HPSE: variants seen among roughly 807,000 people sequenced by gnomAD.
HPSE encodes the protein endo-glucoronidase.
In HPSE, 48 loss-of-function variants were observed where a neutral mutation model predicts 65.1. The ratio of observed to expected loss-of-function variants is 0.74; its 90% CI spans 0.58 to 0.94. The LOEUF (loss-of-function observed/expected upper bound fraction) is 0.94, where lower values mean the gene tolerates loss of function less well. HPSE is among the 40% of genes least tolerant of loss of function. HPSE has a pLI of 0.00. For missense variants in HPSE, 644 were observed against 637.5 expected, an observed-to-expected ratio of 1.01 and a Z score of -0.11; for synonymous variants, 243 against 260.0, an observed-to-expected ratio of 0.93 and a Z score of 0.63.
chr4:83,320,595 C>T (rs1736853203), intron 2 of HPSE, among the ~76,000 whole-genome samples: 1 of 151,926 alleles, frequency 6.6e-6, no homozygotes, highest in Admixed American at 6.6e-5. Context: ...AAGAAAAATC[C>T]ACACCATCCT....
At chr4:83,335,116 G>A (rs189410262), upstream of HPSE, 52 of 256,804 alleles carry the variant, frequency 2.0e-4, no homozygotes, top group Middle Eastern at 1.1e-3. Context: ...GGCCTGGGGA[G>A]GAGCGCCCGG....
chr4:83,313,037 A>AAAG (rs1553919978), intron 4 of HPSE, 77 bp downstream of exon 4: 182 of 821,670 alleles, frequency 2.2e-4, no homozygotes, highest in African/African-American at 1.0e-3. Flanking sequence ...AAAAAAAAAA[A>AAAG]AAAAGAAAAA....
chr4:83,308,944 T>C lies in HPSE; in HGVS notation c.992A>G (p.Glu331Gly). 1 of 1,613,868 alleles carries C rather than the reference T, an allele frequency of 6.2e-7. No homozygotes were observed. Among genetic ancestry groups the C allele is most frequent in the Non-Finnish European group, 8.5e-7 (1 of 1,179,734 alleles). The change falls in exon 8 of 12, where the codon GAG becomes GGG. Residue 331 changes from glutamate to glycine, a missense_variant. Physicochemically the swap from Glu to Gly is moderately conservative, Grantham distance 98. Transcript: ENST00000311412. ...SSVQKVFQVVESTRPGKKVWL... is the reference protein window; with the variant it reads ...SSVQKVFQVVGSTRPGKKVWL... ...GACCTTCTTGCCAGGCCTGGTGCTC[T>C]CAACCACCTATAGAACAGAAAAGTA... is the stretch of plus-strand genomic sequence containing the variant.
chr4:83,297,929 T>C (rs1304673233), intron 11 of HPSE, among the ~76,000 whole-genome samples: 7 of 152,232 alleles, frequency 4.6e-5, no homozygotes, highest in Non-Finnish European at 1.0e-4. Flanking sequence ...AAGTTTTAGA[T>C]ATGCTTTTGG....
intron 10 of HPSE, 137 bp downstream of exon 10, chr4:83,302,013 C>T (rs185535794): frequency 3.2e-4 from 162 of 509,858 alleles, no homozygotes; most frequent in African/African-American, 2.9e-3. Context: ...AAAATAAAAT[C>T]GTTGTATAAA....
chr4:83,315,060 A>T (rs1441562444), intron 3 of HPSE, among the ~76,000 whole-genome samples: 8 of 151,694 alleles, frequency 5.3e-5, no homozygotes, highest in African/African-American at 1.9e-4. Context: ...GGAGGCTGAG[A>T]CAGAATTGCT....
chr4:83,325,545 T>C (rs1737117327), intron 1 of HPSE, among the ~76,000 whole-genome samples: 1 of 152,212 alleles, frequency 6.6e-6, no homozygotes, highest in Non-Finnish European at 1.5e-5. Flanking sequence ...TCAACAAATA[T>C]TTGTTGCAGG....
At chr4:83,321,987 C>CTTTTTTTTTTTTTTTTTTTTTT (rs36002405) in intron 2 of HPSE, among the ~76,000 whole-genome samples, 2 of 92,558 alleles carry the variant, frequency 2.2e-5, no homozygotes, top group African/African-American at 4.2e-5. Flanking sequence ...TCCAGGACGC[C>CTTTTTTTTTTTTTTTTTTTTTT]TTTTTTTTTT....
chr4:83,322,682 G>A (rs978266932), intron 1 of HPSE, among the ~76,000 whole-genome samples: 5 of 151,822 alleles, frequency 3.3e-5, no homozygotes, highest in Admixed American at 6.6e-5. Context: ...TGATAGAAAG[G>A]GAATCATTGT....
chr4:83,315,784 A>G (rs1484864781), intron 3 of HPSE, among the ~76,000 whole-genome samples: 2 of 152,344 alleles, frequency 1.3e-5, no homozygotes, highest in African/African-American at 4.8e-5. Context: ...GTAAATCACA[A>G]AAAACCCTTA....
chr4:83,295,159 T>A lies in HPSE; in HGVS notation c.*185A>T. ...TGGAACAAGGTATTATTAGCTATTA[T>A]TATTAGCAGTGTTCTACCTAGCGAG... On this transcript the variant is annotated 3_prime_UTR_variant, in exon 12 of 12. Transcript: ENST00000311412. The A allele has an allele frequency of 2.6e-6, 1 of 380,692 alleles. No individual in the cohort carries two copies. Among genetic ancestry groups the A allele is most frequent in the East Asian group, 3.9e-5 (1 of 25,654 alleles). 23.6% of individuals were successfully genotyped at this position (380,692 alleles called of 1,614,324 possible). A position where few individuals can be genotyped will look rare whatever the true frequency, so the allele number is the denominator to read the frequency against.
At chr4:83,304,464 TG>T (rs1736079502) in intron 9 of HPSE, among the ~76,000 whole-genome samples, 2 of 152,184 alleles carry the variant, frequency 1.3e-5, no homozygotes, top group South Asian at 4.1e-4. Flanking sequence ...TCTCCTAAAG[TG>T]GGTTCATATA....
chr4:83,308,621 ATTTCTGAAACAAT>A (rs895119547), intron 8 of HPSE, among the ~76,000 whole-genome samples: 4 of 152,146 alleles, frequency 2.6e-5, no homozygotes, highest in African/African-American at 9.7e-5. Context: ...AAAGGCCAAA[ATTTCTGAAACAAT>A]TCATCCTTAT....
At chr4:83,312,210 T>C (rs1736407939) in intron 4 of HPSE, among the ~76,000 whole-genome samples, 1 of 152,198 alleles carries the variant, frequency 6.6e-6, no homozygotes, top group Non-Finnish European at 1.5e-5. Flanking sequence ...ACTTTGGAGC[T>C]GGGAACGTTG....
At chr4:83,323,282 G>A (rs2126195450) in intron 1 of HPSE, among the ~76,000 whole-genome samples, 2 of 152,234 alleles carry the variant, frequency 1.3e-5, no homozygotes, top group South Asian at 2.1e-4. Flanking sequence ...CAAACCCATA[G>A]AATGTACACC....
intron 7 of HPSE, 48 bp from the exon 8 acceptor site, chr4:83,308,999 T>G (rs778286845): frequency 1.4e-6 from 2 of 1,448,530 alleles, no homozygotes; most frequent in Non-Finnish European, 1.9e-6. Flanking sequence ...AGCTGACCTG[T>G]GGTTTCAACT....
Position 83,308,967 on chromosome 4 carries a change from G to T in HPSE, c.985-16C>A. 6.2e-7 allele frequency: 1 copy of T among 1,604,108 alleles called. No homozygotes were observed. The highest frequency in any genetic ancestry group is 8.5e-7 in the Non-Finnish European group (1 of 1,171,812). ...TCTCAACCACCTATAGAACAGAAAA[G>T]TATCCATGGTAATTGCAAAAAAGCT... On this transcript the variant is annotated splice_polypyrimidine_tract_variant and intron_variant, in intron 7 of 11. Transcript: ENST00000311412.
rs576740004 is a variant in HPSE at position 83,296,420 on chromosome 4, T to A, written c.1473-917A>T. On this transcript the variant is annotated intron_variant, in intron 11 of 11. Coordinates refer to ENST00000311412, the MANE Select transcript of HPSE (RefSeq NM_001098540.3). ...CGAGCACAGTGGTTCACACCTGTAA[T>A]CCCAGCACTTTGGGAGGCTGAGGCA... Among the ~76,000 whole-genome samples the A allele has an allele frequency of 2.6e-5, 4 of 152,302 alleles. No homozygotes were observed. The South Asian group carries it at 8.3e-4, about 32-fold the overall frequency.
intron 10 of HPSE, 45 bp from the exon 11 acceptor site, chr4:83,301,151 A>G (rs775117580): frequency 8.6e-5 from 113 of 1,311,878 alleles, no homozygotes; most frequent in Non-Finnish European, 1.1e-4. Context: ...TATCTAATTT[A>G]AGCAATTAAA....
Sources: gnomAD v4.1 joint callset for allele counts (sites outside exome capture counted in the v4.1 genomes callset) on GRCh38, gnomAD v4.1.1 for gene constraint, MANE v1.5 for transcripts, NCBI Gene and HGNC (gene_info 2026-07-23, HGNC 2026-07-21) for gene names.